The following CAPN8 variants were observed in gnomAD, a reference collection of about 807,000 sequenced individuals.
CAPN8 encodes the protein calpain 8.
In CAPN8, 87 loss-of-function variants were observed where a neutral mutation model predicts 80.9. That is an observed-to-expected ratio of 1.07 (90% confidence interval 0.90 to 1.28). The LOEUF (loss-of-function observed/expected upper bound fraction) is 1.28, where lower values mean the gene tolerates loss of function less well. CAPN8 is among the 50% of genes most tolerant of loss of function. The pLI, the probability that CAPN8 is intolerant of heterozygous loss-of-function variation, is 0.00. For missense variants in CAPN8, 757 were observed against 702.0 expected (o/e 1.08, Z -0.89); for synonymous variants, 299 against 273.8 (o/e 1.09, Z -0.91).
intron 2 of CAPN8, among the ~76,000 whole-genome samples, chr1:223,652,697 A>G (rs984673146): frequency 3.3e-5 from 5 of 152,102 alleles, no homozygotes; most frequent in Admixed American, 3.3e-4. Flanking sequence ...GCAAAGGCTC[A>G]GTCTGCACCT....
chr1:223,557,127 G>A (rs1179050188), intron 13 of CAPN8, among the ~76,000 whole-genome samples: 1 of 152,086 alleles, frequency 6.6e-6, no homozygotes, highest in East Asian at 1.9e-4. Context: ...ATAGACATGG[G>A]GCATGCATTT....
chr1:223,544,706 T>A, intron 18 of CAPN8, 66 bp downstream of exon 18: 3 of 1,533,760 alleles, frequency 2.0e-6, no homozygotes, highest in Middle Eastern at 3.5e-4. Context: ...ATCATCATCA[T>A]GAGAATAAAT....
intron 1 of CAPN8, among the ~76,000 whole-genome samples, chr1:223,657,482 C>T (rs1373586912): frequency 2.0e-5 from 3 of 152,090 alleles, no homozygotes; most frequent in Non-Finnish European, 4.4e-5. Flanking sequence ...AAAATAGGTT[C>T]TTGGCTGGGC....
At chr1:223,545,712 C>T (rs1223660032) in intron 16 of CAPN8, among the ~76,000 whole-genome samples, 1 of 151,982 alleles carries the variant, frequency 6.6e-6, no homozygotes, top group Non-Finnish European at 1.5e-5. Flanking sequence ...GAGCCAGGAA[C>T]CATGGGACTG....
intron 15 of CAPN8, 182 bp from the exon 16 acceptor site, chr1:223,549,564 C>T (rs747506826): frequency 2.2e-5 from 20 of 899,928 alleles, no homozygotes; most frequent in South Asian, 2.8e-5. Context: ...CTCCTGGTGC[C>T]GTGGGAGATA....
intron 13 of CAPN8, among the ~76,000 whole-genome samples, chr1:223,556,669 C>A (rs1429628620): frequency 6.6e-6 from 1 of 152,152 alleles, no homozygotes; most frequent in Non-Finnish European, 1.5e-5. Flanking sequence ...TGGGAAGCCC[C>A]AGTAGTGACT....
intron 6 of CAPN8, among the ~76,000 whole-genome samples, chr1:223,625,121 AT>A (rs1339561821): frequency 2.6e-5 from 4 of 152,214 alleles, no homozygotes; most frequent in African/African-American, 9.6e-5. Flanking sequence ...ATAAAAAAAA[AT>A]AATGACTAGT....
At chr1:223,657,821 C>T (rs993327633) in intron 1 of CAPN8, among the ~76,000 whole-genome samples, 6 of 152,248 alleles carry the variant, frequency 3.9e-5, no homozygotes, top group African/African-American at 9.6e-5. Flanking sequence ...ATTCATCCAT[C>T]GGTCTACTGA....
In CAPN8 at chr1:223,544,819, G is replaced by A. The variant is rs550416235; in HGVS notation, c.1865C>T (p.Ser622Leu). ...CATCTCGTGGGCATCGATGGTGCCC[G>A]AGTGGTTATAATCAGTTTCCCAATA... is the stretch of plus-strand genomic sequence containing the variant. Reference protein sequence around the residue: ...EIYWETDYNHSGTIDAHEMRT... With the variant: ...EIYWETDYNHLGTIDAHEMRT... Residue 622 changes from serine to leucine, a missense_variant, in exon 18 of 21, where the codon TCG becomes TTG. Coordinates refer to ENST00000366872, the MANE Select transcript of CAPN8 (RefSeq NM_001143962.2). 25 of 1,551,680 alleles carry A rather than the reference G, an allele frequency of 1.6e-5. 1 individual carries two copies. The highest frequency in any genetic ancestry group is 9.8e-5 in the East Asian group (4 of 40,922).
intron 13 of CAPN8, among the ~76,000 whole-genome samples, chr1:223,557,930 G>A (rs1044353845): frequency 6.6e-6 from 1 of 152,212 alleles, no homozygotes; most frequent in Non-Finnish European, 1.5e-5. Context: ...CCAGGGGGTA[G>A]GGATATATTA....
Position 223,616,518 on chromosome 1 carries a change from C to T in CAPN8, c.1136-373G>A, listed in dbSNP as rs564025850. 2.6e-5 allele frequency among the ~76,000 whole-genome samples: 4 copies of T among 152,350 alleles called. No individual in the cohort carries two copies. The East Asian group carries it at 5.8e-4, about 22-fold the overall frequency. ...ACATCACCTTGCTCTCAGCACTTGACATGTGAAGGCAAACCCACCTTCTGG... is the reference window on the plus strand; with the variant it reads ...ACATCACCTTGCTCTCAGCACTTGATATGTGAAGGCAAACCCACCTTCTGG... On this transcript the variant is annotated intron_variant, in intron 9 of 20. Transcript: ENST00000366872.
intron 20 of CAPN8, 50 bp downstream of exon 20, chr1:223,543,058 A>C: frequency 1.3e-6 from 2 of 1,548,770 alleles, no homozygotes; most frequent in South Asian, 2.4e-5. Flanking sequence ...ATGGTCCAAG[A>C]ATTTCAGAGT....
intron 6 of CAPN8, among the ~76,000 whole-genome samples, chr1:223,624,844 C>T (rs972022527): frequency 6.6e-6 from 1 of 152,060 alleles, no homozygotes; most frequent in African/African-American, 2.4e-5. Flanking sequence ...CCTGTAATCC[C>T]AGCACTTTGG....
chr1:223,545,469 A>T (rs1656596105), intron 16 of CAPN8, 170 bp from the exon 17 acceptor site: 2 of 1,079,532 alleles, frequency 1.9e-6, no homozygotes, highest in South Asian at 3.3e-5. Context: ...AAAGATTAAA[A>T]AGTCAAACGT....
rs118082843 is a variant in CAPN8 at position 223,548,125 on chromosome 1, G to A, written c.1764+1193C>T. ...AAAGGAAAATCCTTCCTCCCGTCCC[G>A]CAGTTAATGAAAGAACCCACAGTAA... is the stretch of plus-strand genomic sequence containing the variant. On this transcript the variant is annotated intron_variant, in intron 16 of 20. Transcript: ENST00000366872. Among the ~76,000 whole-genome samples the A allele has an allele frequency of 8.9e-4, 136 of 152,162 alleles. 2 individuals are homozygous for A. The East Asian group carries it at 0.018, about 20-fold the overall frequency.
At position 223,631,856 on chromosome 1, in the gene CAPN8, C is replaced by T. The variant is rs112333930; in HGVS notation, c.308-3076G>A. Among the ~76,000 whole-genome samples, 366 of 152,276 alleles carry T rather than the reference C, an allele frequency of 2.4e-3. 4 individuals are homozygous for T. The highest frequency in any genetic ancestry group is 8.4e-3 in the African/African-American group (351 of 41,556). ...AGGGGGAGACTGCTCTGCAACACCT[C>T]TAAAGCTAGTGGCTTCTCAAAGAGA... On this transcript the variant is annotated intron_variant, in intron 2 of 20. Coordinates refer to ENST00000366872, the MANE Select transcript of CAPN8 (RefSeq NM_001143962.2).
At chr1:223,641,118 T>C (rs961529110) in intron 2 of CAPN8, among the ~76,000 whole-genome samples, 1 of 152,154 alleles carries the variant, frequency 6.6e-6, no homozygotes, top group African/African-American at 2.4e-5. Context: ...TAATGAACTC[T>C]TTGAAAGTTT....
intron 2 of CAPN8, among the ~76,000 whole-genome samples, chr1:223,647,241 AG>A (rs1363185168): frequency 3.9e-5 from 6 of 152,186 alleles, no homozygotes; most frequent in African/African-American, 1.2e-4. Context: ...GTGATAGAAA[AG>A]TAGAATCTTG....
At chr1:223,658,397 G>A (rs543709367) in intron 1 of CAPN8, among the ~76,000 whole-genome samples, 5 of 152,224 alleles carry the variant, frequency 3.3e-5, no homozygotes, top group African/African-American at 7.2e-5. Flanking sequence ...ATTTTACTAC[G>A]TGGTACTCAG....
Sources: allele counts gnomAD v4.1 joint callset (sites outside exome capture counted in the v4.1 genomes callset), GRCh38; gene constraint gnomAD v4.1.1; transcripts MANE v1.5; gene names NCBI Gene and HGNC (gene_info 2026-07-23, HGNC 2026-07-21).